ZNF652: variants seen among roughly 807,000 people sequenced by gnomAD.
ZNF652 encodes the protein zinc finger protein 652.
Under a neutral mutation model 45.2 loss-of-function variants are expected in ZNF652, and 16 were observed. The ratio of observed to expected loss-of-function variants is 0.35; its 90% CI spans 0.24 to 0.54. ZNF652 has a LOEUF of 0.54. Ranked by LOEUF, ZNF652 falls within the 20% of genes least tolerant of loss-of-function variation. ZNF652 has a pLI of 0.91. For missense variants in ZNF652, 614 were observed against 765.6 expected (o/e 0.80, Z 2.34); for synonymous variants, 250 against 260.6 (o/e 0.96, Z 0.39).
chr17:49,331,379 C>T (rs1298158322), intron 1 of ZNF652, among the ~76,000 whole-genome samples: 2 of 152,040 alleles, frequency 1.3e-5, no homozygotes, highest in African/African-American at 4.8e-5. Context: ...CCTCGGCCTC[C>T]CAAAGTGCTG....
chr17:49,331,488 G>A (rs1466651331), intron 1 of ZNF652, among the ~76,000 whole-genome samples: 1 of 152,076 alleles, frequency 6.6e-6, no homozygotes, highest in Non-Finnish European at 1.5e-5. Flanking sequence ...TTTATCAGGT[G>A]TAAGTATAGG....
intron 1 of ZNF652, among the ~76,000 whole-genome samples, chr17:49,344,825 A>G (rs897187777): frequency 6.6e-6 from 1 of 151,998 alleles, no homozygotes; most frequent in Admixed American, 6.6e-5. Flanking sequence ...TGGCCCATCA[A>G]AGCAAATTTT....
At chr17:49,342,495 C>T (rs1248546133) in intron 1 of ZNF652, among the ~76,000 whole-genome samples, 1 of 143,446 alleles carries the variant, frequency 7.0e-6, no homozygotes, top group African/African-American at 2.6e-5. Context: ...TTGTTGCCCT[C>T]AAGGGATCTG....
chr17:49,308,777 G>A (rs2069667074), intron 5 of ZNF652, among the ~76,000 whole-genome samples: 1 of 151,640 alleles, frequency 6.6e-6, no homozygotes, highest in Non-Finnish European at 1.5e-5. Flanking sequence ...ACTCCAGCCT[G>A]GGTGACAGAG....
intron 1 of ZNF652, among the ~76,000 whole-genome samples, chr17:49,318,566 T>C (rs2069843300): frequency 6.6e-6 from 1 of 152,194 alleles, no homozygotes; most frequent in Non-Finnish European, 1.5e-5. Flanking sequence ...TAGCATACAG[T>C]ATATATTTGA....
rs766564236 is a variant in ZNF652 at position 49,298,596 on chromosome 17, G to C, written c.1638C>G (p.Pro546=). Residue 546 remains proline, a synonymous_variant, in exon 6 of 6, where the codon CCC becomes CCG. Transcript: ENST00000430262. ...GTGGGTGGATGTGCAGGTGTGAGAA[G>C]GGGTGGGGGATGGGCCGAGGGGGAA... The part of the protein sequence containing the change: ...STLPPRPIPH[P]FSHLHIHPHP... The C allele has an allele frequency of 1.2e-5, 19 of 1,612,750 alleles. No individual in the cohort carries two copies. Among genetic ancestry groups the C allele is most frequent in the Admixed American group, 1.7e-5 (1 of 59,892 alleles).
chr17:49,317,676 A>C lies in ZNF652; in HGVS notation c.50T>G (p.Val17Gly). 1 of 1,608,960 alleles carries C rather than the reference A, an allele frequency of 6.2e-7. No individual in the cohort carries two copies. Among genetic ancestry groups the C allele is most frequent in the Non-Finnish European group, 8.5e-7 (1 of 1,175,722 alleles). The change falls in exon 2 of 6, where the codon GTG becomes GGG. Residue 17 changes from valine to glycine, a missense_variant. Val to Gly is a moderately radical substitution (Grantham distance 109). Transcript: ENST00000430262. ...TTCTTGTGCCATTCCTGCTACATGCACAGCACAGTTTTCAACCAGCTCCTG... is the reference window on the plus strand; with the variant it reads ...TTCTTGTGCCATTCCTGCTACATGCCCAGCACAGTTTTCAACCAGCTCCTG... ...SCQELVENCA[V>G]HVAGMAQEDS...
In ZNF652 at chr17:49,292,194, TCTC is replaced by T. The variant is rs1402353154; in HGVS notation, c.*6216_*6218del. On this transcript the variant is annotated 3_prime_UTR_variant, in exon 6 of 6. Coordinates refer to ENST00000430262, the MANE Select transcript of ZNF652 (RefSeq NM_001145365.3). Reference sequence around the variant, plus strand: ...ATTCACCTAAAAAAATGCAATCAAATCTCCTCATTTGAAAGAGTTCTTTTTTTT... The same window carrying T: ...ATTCACCTAAAAAAATGCAATCAAATCTCATTTGAAAGAGTTCTTTTTTTT... Among the ~76,000 whole-genome samples, 1 of 151,864 alleles carries T rather than the reference TCTC, an allele frequency of 6.6e-6. No homozygotes were observed. Among genetic ancestry groups the T allele is most frequent in the Non-Finnish European group, 1.5e-5 (1 of 67,984 alleles).
intron 2 of ZNF652, among the ~76,000 whole-genome samples, chr17:49,315,466 C>G (rs1435586436): frequency 6.9e-6 from 1 of 145,342 alleles, no homozygotes; most frequent in East Asian, 2.0e-4. Flanking sequence ...AACTTAAACA[C>G]AAATTTAAAA....
At chr17:49,320,457 G>T in intron 1 of ZNF652, among the ~76,000 whole-genome samples, 1 of 152,196 alleles carries the variant, frequency 6.6e-6, no homozygotes, top group East Asian at 1.9e-4. Flanking sequence ...AAACGACAGA[G>T]GTAGTATTTG....
chr17:49,323,950 G>A (rs1168478625), intron 1 of ZNF652, among the ~76,000 whole-genome samples: 2 of 152,176 alleles, frequency 1.3e-5, no homozygotes, highest in Non-Finnish European at 2.9e-5. Context: ...AATAGTAAGT[G>A]AACAAGGTGG....
At chr17:49,300,708 T>C (rs1286682012) in intron 5 of ZNF652, among the ~76,000 whole-genome samples, 1 of 152,198 alleles carries the variant, frequency 6.6e-6, no homozygotes, top group Non-Finnish European at 1.5e-5. Context: ...TATAAGAGCG[T>C]TGCTGTCACT....
At chr17:49,333,313 T>A (rs1365136997) in intron 1 of ZNF652, among the ~76,000 whole-genome samples, 5 of 149,276 alleles carry the variant, frequency 3.3e-5, no homozygotes, top group Non-Finnish European at 5.9e-5. Context: ...CACCTCGGCC[T>A]CCCAAAGTGC....
chr17:49,331,860 T>C (rs8078651), intron 1 of ZNF652, among the ~76,000 whole-genome samples: 10,018 of 152,284 alleles, frequency 0.066, 432 homozygotes, highest in East Asian at 0.17. Context: ...TCCCAGCTAT[T>C]TGGGAGGCTG....
At chr17:49,339,206 T>TTTG in intron 1 of ZNF652, among the ~76,000 whole-genome samples, 1 of 147,248 alleles carries the variant, frequency 6.8e-6, no homozygotes, top group East Asian at 2.0e-4. Flanking sequence ...AATTTTTTTT[T>TTTG]TTTTTTTTTT....
chr17:49,311,576 T>G, intron 4 of ZNF652, 120 bp from the exon 5 acceptor site: 1 of 1,139,672 alleles, frequency 8.8e-7, no homozygotes, highest in Non-Finnish European at 1.2e-6. Context: ...CCTGCTTGTG[T>G]CAGCTATTTG....
chr17:49,302,165 A>G (rs1209746556), intron 5 of ZNF652, among the ~76,000 whole-genome samples: 1 of 151,588 alleles, frequency 6.6e-6, no homozygotes, highest in African/African-American at 2.4e-5. Flanking sequence ...GAGGTGGGAG[A>G]ATCACTTCAG....
intron 1 of ZNF652, among the ~76,000 whole-genome samples, chr17:49,326,237 T>C (rs1264005384): frequency 9.6e-6 from 1 of 104,334 alleles, no homozygotes; most frequent in African/African-American, 4.2e-5. Context: ...CAAGACCCCA[T>C]CTCTAAAAAA....
chr17:49,331,410 C>A (rs2143850157), intron 1 of ZNF652, among the ~76,000 whole-genome samples: 1 of 152,206 alleles, frequency 6.6e-6, no homozygotes, highest in East Asian at 1.9e-4. Flanking sequence ...CGTGAGCCAC[C>A]ATGCTTGGCC....
Sources: gnomAD v4.1 joint callset for allele counts (sites outside exome capture counted in the v4.1 genomes callset) on GRCh38, gnomAD v4.1.1 for gene constraint, MANE v1.5 for transcripts, NCBI Gene and HGNC (gene_info 2026-07-23, HGNC 2026-07-21) for gene names.